Variants in PDE4D observed in about 807,000 individuals in gnomAD.
PDE4D encodes the protein 3',5'-cyclic-AMP phosphodiesterase 4D.
Under a neutral mutation model 87.4 loss-of-function variants are expected in PDE4D, and 24 were observed. The ratio of observed to expected loss-of-function variants is 0.27; its 90% CI spans 0.20 to 0.39. The LOEUF is 0.39. PDE4D is among the 10% of genes least tolerant of loss of function. The probability of loss-of-function intolerance (pLI) is 1.00; values close to 1 mark genes in which losing one functional copy is unlikely to be tolerated. For missense variants in PDE4D, 714 were observed against 1,041.0 expected, an observed-to-expected ratio of 0.69 and a Z score of 4.32; for synonymous variants, 384 against 383.2, an observed-to-expected ratio of 1.00 and a Z score of -0.02.
At chr5:59,285,213 A>G (rs1245102959) in intron 1 of PDE4D, among the ~76,000 whole-genome samples, 1 of 53,674 alleles carries the variant, frequency 1.9e-5, no homozygotes, top group Non-Finnish European at 3.1e-5. Flanking sequence ...AAAGTATAAT[A>G]AAAAAAAAAA....
intron 1 of PDE4D, among the ~76,000 whole-genome samples, chr5:60,202,576 C>A (rs1442167736): frequency 6.6e-6 from 1 of 151,632 alleles, no homozygotes; most frequent in Non-Finnish European, 1.5e-5. Context: ...TAAAGAGGTA[C>A]AACATGGAGA....
intron 1 of PDE4D, among the ~76,000 whole-genome samples, chr5:60,240,762 C>T (rs1472514908): frequency 6.6e-6 from 1 of 152,130 alleles, no homozygotes; most frequent in Non-Finnish European, 1.5e-5. Context: ...TCTTCTGGAT[C>T]TTATGCAAGA....
chr5:60,506,354 A>G (rs948547249), intron 1 of PDE4D, among the ~76,000 whole-genome samples: 9 of 152,244 alleles, frequency 5.9e-5, no homozygotes, highest in African/African-American at 2.2e-4. Flanking sequence ...TAATGGGAAA[A>G]TACTTTGGGA....
intron 1 of PDE4D, among the ~76,000 whole-genome samples, chr5:59,685,724 A>AT (rs10640783): frequency 0.057 from 8,646 of 150,694 alleles, 829 homozygotes; most frequent in African/African-American, 0.2. Flanking sequence ...AAAATAACAG[A>AT]TTTTTTTTTT....
intron 2 of PDE4D, among the ~76,000 whole-genome samples, chr5:60,050,560 G>A (rs11747739): frequency 0.19 from 28,157 of 152,106 alleles, 2,791 homozygotes; most frequent in African/African-American, 0.27. Flanking sequence ...AGGAACAACC[G>A]GTAACAGCCA....
At chr5:59,404,417 G>T (rs556145112) in intron 1 of PDE4D, among the ~76,000 whole-genome samples, 1 of 151,730 alleles carries the variant, frequency 6.6e-6, no homozygotes, top group African/African-American at 2.4e-5. Flanking sequence ...CATGCACTTT[G>T]GGAGGCCTAG....
chr5:59,070,829 C>T (rs990333151), intron 5 of PDE4D, among the ~76,000 whole-genome samples: 2 of 152,132 alleles, frequency 1.3e-5, no homozygotes, highest in Admixed American at 6.5e-5. Flanking sequence ...TTAAATTCAT[C>T]TTCTTGAAGA....
At chr5:59,152,206 T>G (rs1005286291) in intron 5 of PDE4D, among the ~76,000 whole-genome samples, 4 of 152,194 alleles carry the variant, frequency 2.6e-5, no homozygotes, top group African/African-American at 9.6e-5. Context: ...TATGTGATCA[T>G]GCATGCCCAG....
chr5:59,286,697 C>G (rs758404208), intron 1 of PDE4D, among the ~76,000 whole-genome samples: 2 of 152,134 alleles, frequency 1.3e-5, no homozygotes. Flanking sequence ...TGCCATTAAG[C>G]AATGACTCCT....
At chr5:59,467,751 G>A (rs539235699) in intron 1 of PDE4D, among the ~76,000 whole-genome samples, 1 of 152,236 alleles carries the variant, frequency 6.6e-6, no homozygotes, top group East Asian at 1.9e-4. Context: ...AATTGTACAT[G>A]GAAAATGAGA....
chr5:60,096,910 T>C (rs1488639359), intron 2 of PDE4D, among the ~76,000 whole-genome samples: 2 of 152,112 alleles, frequency 1.3e-5, no homozygotes, highest in Non-Finnish European at 2.9e-5. Flanking sequence ...ACACTCTTCT[T>C]TCTTTTCAGA....
chr5:60,013,684 T>C lies in PDE4D; in HGVS notation c.43-24967A>G, dbSNP rs115325680. 1.4e-3 allele frequency among the ~76,000 whole-genome samples: 210 copies of C among 152,328 alleles called. 1 individual carries two copies. Among genetic ancestry groups the C allele is most frequent in the African/African-American group, 4.6e-3 (192 of 41,570 alleles). On this transcript the variant is annotated intron_variant, in intron 2 of 16. Transcript: ENST00000502484. ...AGATTGTTATATGGGTGACCCATAA[T>C]AAATGCTACCTCTTGGCACTGCCAC...
intron 1 of PDE4D, among the ~76,000 whole-genome samples, chr5:59,378,956 G>C (rs1222148509): frequency 7.2e-6 from 1 of 139,742 alleles, no homozygotes; most frequent in Non-Finnish European, 1.5e-5. Flanking sequence ...AGGAGCATGA[G>C]TGTGTGTGTC....
At chr5:60,060,499 T>A (rs1026879784) in intron 2 of PDE4D, among the ~76,000 whole-genome samples, 3 of 152,072 alleles carry the variant, frequency 2.0e-5, no homozygotes, top group African/African-American at 7.2e-5. Context: ...TTACCATAAA[T>A]TCTACCCTTT....
chr5:60,498,449 T>G (rs1028781979), intron 1 of PDE4D, among the ~76,000 whole-genome samples: 3 of 152,136 alleles, frequency 2.0e-5, no homozygotes, highest in Admixed American at 2.0e-4. Flanking sequence ...AAGGCCAGAA[T>G]TGTGTTAAAA....
chr5:59,215,615 T>C (rs1751079995), intron 2 of PDE4D, 162 bp downstream of exon 2: 1 of 595,360 alleles, frequency 1.7e-6, no homozygotes, highest in Non-Finnish European at 3.0e-6. Context: ...TGCACTCAGG[T>C]TAAATCTACC....
At chr5:60,368,657 T>G (rs1189279710) in intron 1 of PDE4D, among the ~76,000 whole-genome samples, 1 of 152,108 alleles carries the variant, frequency 6.6e-6, no homozygotes, top group Non-Finnish European at 1.5e-5. Flanking sequence ...TAATCCCCAG[T>G]GTTAGAGGAG....
At chr5:60,361,326 A>G (rs1760045570) in intron 1 of PDE4D, among the ~76,000 whole-genome samples, 1 of 152,238 alleles carries the variant, frequency 6.6e-6, no homozygotes. Flanking sequence ...ATAATTGATT[A>G]GTAAATCAAT....
At chr5:59,239,253 C>T (rs901087271) in intron 1 of PDE4D, among the ~76,000 whole-genome samples, 3 of 152,176 alleles carry the variant, frequency 2.0e-5, no homozygotes, top group Admixed American at 6.6e-5. Context: ...TGTTCTTCAA[C>T]ATCTTTCATA....
Sources: allele counts gnomAD v4.1 joint callset (sites outside exome capture counted in the v4.1 genomes callset), GRCh38; gene constraint gnomAD v4.1.1; transcripts MANE v1.5; gene names NCBI Gene and HGNC (gene_info 2026-07-23, HGNC 2026-07-21).